CLPB: variants seen among roughly 807,000 people sequenced by gnomAD.
CLPB encodes the protein mitochondrial disaggregase.
CLPB carries 40 observed loss-of-function variants against 78.4 expected under a neutral mutation model. The observed-to-expected ratio is 0.51, with a 90% CI of 0.40 to 0.66. The LOEUF (loss-of-function observed/expected upper bound fraction) is 0.66. Among genes scored for constraint, CLPB ranks in the 30% least tolerant of loss-of-function variants. CLPB has a pLI of 0.00. For missense variants in CLPB, 780 were observed against 886.9 expected (o/e 0.88, Z 1.53); for synonymous variants, 333 against 348.0 (o/e 0.96, Z 0.48).
chr11:72,315,199 G>A (rs1283434605), intron 7 of CLPB, among the ~76,000 whole-genome samples: 3 of 152,164 alleles, frequency 2.0e-5, no homozygotes, highest in Non-Finnish European at 2.9e-5. Flanking sequence ...ACCAGTGAAT[G>A]TGGTCTCTAC....
chr11:72,426,654 G>A (rs1289317884), intron 2 of CLPB, among the ~76,000 whole-genome samples: 1 of 152,180 alleles, frequency 6.6e-6, no homozygotes, highest in Non-Finnish European at 1.5e-5. Flanking sequence ...CAGGTACACT[G>A]AAAAGTCAAT....
At chr11:72,352,399 C>G (rs1411039270) in intron 5 of CLPB, 1 of 152,244 alleles carries the variant, frequency 6.6e-6, no homozygotes, top group East Asian at 1.9e-4. Flanking sequence ...AATATTAGCT[C>G]CTGCTTTCCA....
At chr11:72,340,763 G>C (rs1950405359) in intron 5 of CLPB, among the ~76,000 whole-genome samples, 1 of 152,230 alleles carries the variant, frequency 6.6e-6, no homozygotes, top group Non-Finnish European at 1.5e-5. Context: ...CTGCCACTTA[G>C]TGGTGAACCT....
intron 4 of CLPB, among the ~76,000 whole-genome samples, chr11:72,367,231 T>C (rs1218304829): frequency 1.3e-5 from 2 of 152,214 alleles, no homozygotes; most frequent in Admixed American, 1.3e-4. Flanking sequence ...TGACACAATC[T>C]AGGCTCACTG....
chr11:72,365,715 G>A (rs945780027), intron 4 of CLPB, among the ~76,000 whole-genome samples: 6 of 152,148 alleles, frequency 3.9e-5, no homozygotes, highest in Non-Finnish European at 7.3e-5. Context: ...CAGACACATA[G>A]ACCAATGGAA....
intron 9 of CLPB, 68 bp from the exon 10 acceptor site, chr11:72,302,416 A>C: frequency 7.4e-7 from 1 of 1,359,562 alleles, no homozygotes; most frequent in Non-Finnish European, 1.1e-6. Flanking sequence ...GTTAGGGAGG[A>C]GAGCACCTCA....
chr11:72,311,620 C>T (rs1050419513), intron 7 of CLPB, among the ~76,000 whole-genome samples: 1 of 152,168 alleles, frequency 6.6e-6, no homozygotes, highest in Non-Finnish European at 1.5e-5. Flanking sequence ...TCTGACTCTC[C>T]GCTGCCACAG....
chr11:72,357,318 C>A (rs1204883193), intron 5 of CLPB, among the ~76,000 whole-genome samples: 1 of 152,126 alleles, frequency 6.6e-6, no homozygotes, highest in Non-Finnish European at 1.5e-5. Context: ...GGCTCTGGGA[C>A]TGAAAGAACT....
At position 72,294,011 on chromosome 11, in the gene CLPB, C is replaced by T. The variant is rs780677119; in HGVS notation, c.1785+11G>A. 1 of 1,611,894 alleles carries T rather than the reference C, an allele frequency of 6.2e-7. No homozygotes were observed. Among genetic ancestry groups the T allele is most frequent in the Admixed American group, 1.7e-5 (1 of 59,850 alleles). On this transcript the variant is annotated intron_variant, in intron 15 of 15. Coordinates refer to ENST00000538039, the MANE Select transcript of CLPB (RefSeq NM_001258392.3). ...GTGGAGGCGCCTCATTTCTCAGGCT[C>T]CTGTGCTCACCTCATGTTTGATGGA...
At chr11:72,431,812 G>A (rs948676302) in intron 1 of CLPB, among the ~76,000 whole-genome samples, 1 of 152,206 alleles carries the variant, frequency 6.6e-6, no homozygotes, top group South Asian at 2.1e-4. Flanking sequence ...ACACTGCACT[G>A]AGGGTCAAAA....
intron 4 of CLPB, among the ~76,000 whole-genome samples, chr11:72,369,957 G>A (rs1951013848): frequency 1.3e-5 from 2 of 152,158 alleles, no homozygotes; most frequent in Non-Finnish European, 2.9e-5. Flanking sequence ...CATTGTGACA[G>A]CTCGACCGTC....
intron 2 of CLPB, among the ~76,000 whole-genome samples, chr11:72,413,527 A>G (rs1295519864): frequency 6.6e-6 from 1 of 152,156 alleles, no homozygotes; most frequent in Admixed American, 6.5e-5. Context: ...AGAACCACTA[A>G]CTAATGATGA....
At chr11:72,393,598 G>A (rs1855316028) in intron 3 of CLPB, among the ~76,000 whole-genome samples, 1 of 152,134 alleles carries the variant, frequency 6.6e-6, no homozygotes, top group Admixed American at 6.5e-5. Flanking sequence ...TAAGTAGACT[G>A]GATGCTCCCC....
intron 5 of CLPB, among the ~76,000 whole-genome samples, chr11:72,347,007 A>G (rs1009462560): frequency 3.3e-5 from 5 of 150,470 alleles, no homozygotes; most frequent in African/African-American, 1.2e-4. Flanking sequence ...AAAAAAAAAA[A>G]AAAGGTAAGT....
intron 2 of CLPB, among the ~76,000 whole-genome samples, chr11:72,419,780 C>T (rs1256507025): frequency 6.6e-6 from 1 of 152,198 alleles, no homozygotes; most frequent in Non-Finnish European, 1.5e-5. Context: ...CTGGCTGTCA[C>T]AGGCTCTCCT....
chr11:72,320,515 T>C (rs1950025925), intron 6 of CLPB, among the ~76,000 whole-genome samples: 1 of 152,116 alleles, frequency 6.6e-6, no homozygotes, highest in South Asian at 2.1e-4. Flanking sequence ...ATTCTGATTC[T>C]CCCCAGCCTG....
intron 2 of CLPB, among the ~76,000 whole-genome samples, chr11:72,416,749 AAAAAAAG>A (rs1394647739): frequency 4.0e-5 from 6 of 151,632 alleles, no homozygotes; most frequent in East Asian, 3.9e-4. Flanking sequence ...AAAAAAAAAA[AAAAAAAG>A]AAAAAAGAAT....
At chr11:72,396,794 G>A (rs942653176) in intron 3 of CLPB, among the ~76,000 whole-genome samples, 32 of 152,086 alleles carry the variant, frequency 2.1e-4, no homozygotes, top group African/African-American at 6.8e-4. Flanking sequence ...CATTCCAGGT[G>A]ACCATTAACA....
chr11:72,389,277 T>TGG (rs1247082467), intron 3 of CLPB, among the ~76,000 whole-genome samples: 1 of 152,200 alleles, frequency 6.6e-6, no homozygotes, highest in Non-Finnish European at 1.5e-5. Flanking sequence ...ACCTGGCTGA[T>TGG]ATACAGAACA....
Sources: gnomAD v4.1 joint callset for allele counts (sites outside exome capture counted in the v4.1 genomes callset) on GRCh38, gnomAD v4.1.1 for gene constraint, MANE v1.5 for transcripts, NCBI Gene and HGNC (gene_info 2026-07-23, HGNC 2026-07-21) for gene names.